CAMKMT: variants seen among roughly 807,000 people sequenced by gnomAD.
CAMKMT encodes calmodulin-lysine N-methyltransferase.
A neutral mutation model predicts 48.0 loss-of-function variants in CAMKMT; 53 were observed. The observed-to-expected ratio is 1.10, with a 90% confidence interval of 0.89 to 1.39. The LOEUF is 1.39. Among genes scored for constraint, CAMKMT ranks in the 40% most tolerant of loss-of-function variants. The pLI, the probability that CAMKMT is intolerant of heterozygous loss-of-function variation, is 0.00. For missense variants in CAMKMT, 428 were observed against 402.7 expected (o/e 1.06, Z -0.54); for synonymous variants, 165 against 152.3 (o/e 1.08, Z -0.61).
chr2:44,416,978 G>A (rs953331381), intron 3 of CAMKMT, among the ~76,000 whole-genome samples: 1 of 151,876 alleles, frequency 6.6e-6, no homozygotes, highest in Admixed American at 6.6e-5. Flanking sequence ...CTGTTGCCCA[G>A]GCTGGAGTGT....
intron 3 of CAMKMT, among the ~76,000 whole-genome samples, chr2:44,428,777 C>A (rs1000920652): frequency 6.6e-6 from 1 of 152,148 alleles, no homozygotes; most frequent in East Asian, 1.9e-4. Flanking sequence ...ACCATAATAA[C>A]TCAAATTCCA....
chr2:44,588,693 A>T (rs1572865672), intron 3 of CAMKMT, among the ~76,000 whole-genome samples: 1 of 33,116 alleles, frequency 3.0e-5, no homozygotes, highest in Non-Finnish European at 5.9e-5. Flanking sequence ...TCCGGGAGGG[A>T]GGTGGGGGGA....
chr2:44,503,984 GGAGAGA>G (rs370141046), intron 3 of CAMKMT, among the ~76,000 whole-genome samples: 8 of 142,596 alleles, frequency 5.6e-5, no homozygotes, highest in African/African-American at 1.9e-4. Context: ...GAGCGGGTGG[GGAGAGA>G]GAGAGAGAGA....
intron 3 of CAMKMT, among the ~76,000 whole-genome samples, chr2:44,586,260 T>C (rs1669852980): frequency 6.6e-6 from 1 of 152,222 alleles, no homozygotes; most frequent in African/African-American, 2.4e-5. Flanking sequence ...TATTGAAGTA[T>C]AATTGATTTG....
chr2:44,453,078 A>G (rs1224798845), intron 3 of CAMKMT, among the ~76,000 whole-genome samples: 1 of 152,050 alleles, frequency 6.6e-6, no homozygotes, highest in Non-Finnish European at 1.5e-5. Flanking sequence ...TTAACAACTT[A>G]TCATGTATTC....
At chr2:44,667,220 G>A (rs1354569962) in intron 3 of CAMKMT, among the ~76,000 whole-genome samples, 2 of 152,174 alleles carry the variant, frequency 1.3e-5, no homozygotes. Flanking sequence ...TCTAGCTAAA[G>A]TCTCCTGACT....
intron 9 of CAMKMT, among the ~76,000 whole-genome samples, chr2:44,764,223 C>A (rs1055390669): frequency 6.6e-6 from 1 of 152,102 alleles, no homozygotes; most frequent in African/African-American, 2.4e-5. Context: ...TGAGTGTGTA[C>A]AGGCTGATGT....
intron 3 of CAMKMT, among the ~76,000 whole-genome samples, chr2:44,569,026 A>G (rs1668768704): frequency 6.6e-6 from 1 of 152,186 alleles, no homozygotes. Flanking sequence ...TGGCCATCAC[A>G]TCTCAGTTTC....
At chr2:44,647,258 A>T (rs1441689493) in intron 3 of CAMKMT, among the ~76,000 whole-genome samples, 1 of 152,116 alleles carries the variant, frequency 6.6e-6, no homozygotes, top group Non-Finnish European at 1.5e-5. Context: ...TCTCACTTTT[A>T]GTTTCTTTGT....
intron 2 of CAMKMT, among the ~76,000 whole-genome samples, chr2:44,375,627 A>C (rs1679611273): frequency 6.6e-6 from 1 of 152,152 alleles, no homozygotes; most frequent in Non-Finnish European, 1.5e-5. Context: ...TTCTGGGAGA[A>C]GGGGATGCCC....
At chr2:44,519,124 C>A (rs3862996) in intron 3 of CAMKMT, among the ~76,000 whole-genome samples, 1 of 151,970 alleles carries the variant, frequency 6.6e-6, no homozygotes, top group Non-Finnish European at 1.5e-5. Context: ...CTATCACAAA[C>A]CACCATGAGA....
At chr2:44,621,657 G>C (rs1039283503) in intron 3 of CAMKMT, among the ~76,000 whole-genome samples, 1 of 152,210 alleles carries the variant, frequency 6.6e-6, no homozygotes, top group Non-Finnish European at 1.5e-5. Context: ...AATGGTTCAA[G>C]ATGAAGTTGG....
chr2:44,723,361 G>C (rs1202669198), intron 7 of CAMKMT, among the ~76,000 whole-genome samples: 2 of 152,062 alleles, frequency 1.3e-5, no homozygotes, highest in African/African-American at 4.8e-5. Context: ...GGGAGGCCAG[G>C]GTGGGTGGAT....
Position 44,760,558 on chromosome 2 carries a change from C to T in CAMKMT, c.763-5872C>T, listed in dbSNP as rs186984865. Among the ~76,000 whole-genome samples, 956 of 141,572 alleles carry T rather than the reference C, an allele frequency of 6.8e-3. 13 individuals are homozygous for T. Among genetic ancestry groups the T allele is most frequent in the African/African-American group, 0.024 (906 of 37,528 alleles). The allele number at this position is 141,572 out of a possible 152,430, so 92.9% of individuals were successfully genotyped here. A position where few individuals can be genotyped will look rare whatever the true frequency, so the allele number is the denominator to read the frequency against. ...CCCGGGAGGTGGAGCTTGCAGTGAG[C>T]GGAGATTGCACCACTGCACTCCAGA... On this transcript the variant is annotated intron_variant, in intron 9 of 10. Coordinates refer to ENST00000378494, the MANE Select transcript of CAMKMT (RefSeq NM_024766.5).
chr2:44,662,215 TC>T (rs1160252798), intron 3 of CAMKMT, among the ~76,000 whole-genome samples: 2 of 152,230 alleles, frequency 1.3e-5, no homozygotes. Flanking sequence ...ATGTTGCCAG[TC>T]CCTTTCCTAC....
intron 3 of CAMKMT, among the ~76,000 whole-genome samples, chr2:44,470,520 T>A (rs1668358652): frequency 6.6e-6 from 1 of 152,210 alleles, no homozygotes; most frequent in South Asian, 2.1e-4. Flanking sequence ...CCCACCTGTT[T>A]GTATTTTGTC....
intron 3 of CAMKMT, among the ~76,000 whole-genome samples, chr2:44,528,275 G>A (rs1417288667): frequency 6.6e-6 from 1 of 151,878 alleles, no homozygotes; most frequent in Non-Finnish European, 1.5e-5. Context: ...AATTTAACAA[G>A]AAAACAGTTA....
At chr2:44,608,462 A>G (rs1208403611) in intron 3 of CAMKMT, among the ~76,000 whole-genome samples, 4 of 152,308 alleles carry the variant, frequency 2.6e-5, no homozygotes, top group African/African-American at 9.6e-5. Flanking sequence ...TGACATTTCA[A>G]TACATGTAAT....
intron 3 of CAMKMT, among the ~76,000 whole-genome samples, chr2:44,437,832 C>G: frequency 9.0e-6 from 1 of 111,332 alleles, no homozygotes; most frequent in South Asian, 3.5e-4. Context: ...GAGCAAGACT[C>G]TGCTACAAAA....
Sources: gnomAD v4.1 joint callset for allele counts (sites outside exome capture counted in the v4.1 genomes callset) on GRCh38, gnomAD v4.1.1 for gene constraint, MANE v1.5 for transcripts, NCBI Gene and HGNC (gene_info 2026-07-23, HGNC 2026-07-21) for gene names.